Variants in CHST8 observed in about 807,000 individuals in gnomAD.
CHST8 encodes the protein carbohydrate sulfotransferase 8, also known as GALNAC-4-ST1.
A neutral mutation model predicts 15.0 loss-of-function variants in CHST8; 10 were observed. The observed-to-expected ratio is 0.67, with a 90% CI of 0.41 to 1.13. CHST8 has a LOEUF of 1.13. Ranked by LOEUF, CHST8 falls within the 50% of genes most tolerant of loss-of-function variation. The pLI, the probability that CHST8 is intolerant of heterozygous loss-of-function variation, is 0.00. For synonymous variants in CHST8, 259 were observed against 256.6 expected (o/e 1.01, Z -0.09); for missense variants, 634 against 608.2 (o/e 1.04, Z -0.45).
At chr19:33,767,265 C>A (rs1974869098) in intron 3 of CHST8, among the ~76,000 whole-genome samples, 1 of 152,230 alleles carries the variant, frequency 6.6e-6, no homozygotes, top group Non-Finnish European at 1.5e-5. Context: ...CAGTTACCAC[C>A]CTCCATGGCT....
chr19:33,635,629 A>G (rs146606117), intron 1 of CHST8, among the ~76,000 whole-genome samples: 76 of 152,138 alleles, frequency 5.0e-4, no homozygotes, highest in African/African-American at 1.8e-3. Flanking sequence ...ACAACACCTC[A>G]TGGACCACTC....
At chr19:33,690,117 ACT>A (rs984149177) in intron 3 of CHST8, among the ~76,000 whole-genome samples, 2 of 152,072 alleles carry the variant, frequency 1.3e-5, no homozygotes, top group African/African-American at 4.8e-5. Context: ...AGGCCTGGGA[ACT>A]CTCTGCTTTG....
chr19:33,629,007 C>T (rs1263614003), intron 1 of CHST8, among the ~76,000 whole-genome samples: 2 of 152,196 alleles, frequency 1.3e-5, no homozygotes, highest in East Asian at 1.9e-4. Flanking sequence ...TCTTCCACTG[C>T]CTTCCTCTCT....
rs537538600 is a variant in CHST8, at chr19:33,665,637, G to GAA, written c.-163-2118_-163-2117dup. On this transcript the variant is annotated intron_variant, in intron 1 of 4. Transcript: ENST00000650847. ...GGATTGTTTGAGTATCTTCAAAACTGAAAAAAAAAAAAAGCTTTTCTCAAG... is the reference window on the plus strand; with the variant it reads ...GGATTGTTTGAGTATCTTCAAAACTGAAAAAAAAAAAAAAAGCTTTTCTCAAG... Among the ~76,000 whole-genome samples, 8 of 141,688 alleles carry GAA rather than the reference G, an allele frequency of 5.6e-5. No individual in the cohort carries two copies. The East Asian group carries it at 1.0e-3, about 18-fold the overall frequency. The allele number at this position is 141,688 out of a possible 152,430, so 93.0% of individuals were successfully genotyped here.
rs969159944 is a variant in CHST8 at position 33,761,283 on chromosome 19, G to T, written c.131-10130G>T. Among the ~76,000 whole-genome samples the T allele has an allele frequency of 2.0e-5, 3 of 152,068 alleles. No homozygotes were observed. The East Asian group carries it at 5.8e-4, about 29-fold the overall frequency. On this transcript the variant is annotated intron_variant, in intron 3 of 4. Coordinates refer to ENST00000650847, the MANE Select transcript of CHST8 (RefSeq NM_001127895.2). ...TTTGGGAGGCTGATGCAGGAGGATC[G>T]CTTGAGGCCAGGAGTTGCTGGGCAG...
chr19:33,678,509 A>T (rs1007971735), intron 2 of CHST8, among the ~76,000 whole-genome samples: 24 of 152,192 alleles, frequency 1.6e-4, no homozygotes, highest in African/African-American at 5.8e-4. Context: ...TGGGAGGCCA[A>T]GGTAAGAGGA....
chr19:33,708,930 T>C (rs1205751940), intron 3 of CHST8, among the ~76,000 whole-genome samples: 1 of 152,222 alleles, frequency 6.6e-6, no homozygotes, highest in Non-Finnish European at 1.5e-5. Context: ...GCTTTCAGTA[T>C]ACAAGTCTTA....
At chr19:33,692,997 T>A (rs1434722312) in intron 3 of CHST8, among the ~76,000 whole-genome samples, 1 of 150,468 alleles carries the variant, frequency 6.6e-6, no homozygotes, top group Non-Finnish European at 1.5e-5. Context: ...CTATTTCTTT[T>A]TTCTTTCTTT....
At chr19:33,646,345 TC>T (rs1165752526) in intron 1 of CHST8, among the ~76,000 whole-genome samples, 1 of 152,124 alleles carries the variant, frequency 6.6e-6, no homozygotes, top group Non-Finnish European at 1.5e-5. Context: ...TATGACAGTT[TC>T]CGGGTGGGGG....
intron 3 of CHST8, among the ~76,000 whole-genome samples, chr19:33,758,233 G>C (rs925801217): frequency 6.6e-6 from 1 of 151,910 alleles, no homozygotes; most frequent in Non-Finnish European, 1.5e-5. Flanking sequence ...GTGTAGGGGT[G>C]GGGGTGGGCC....
chr19:33,757,533 A>G (rs1343170969), intron 3 of CHST8, among the ~76,000 whole-genome samples: 2 of 55,018 alleles, frequency 3.6e-5, no homozygotes, highest in Non-Finnish European at 7.4e-5. Flanking sequence ...AGAAAGAAAG[A>G]AAGAAAGAAA....
chr19:33,772,428 G>A lies in CHST8; in HGVS notation c.640G>A (p.Gly214Ser), dbSNP rs1363157571. 3 of 1,611,056 alleles carry A rather than the reference G, an allele frequency of 1.9e-6. No individual in the cohort carries two copies. The highest frequency in any genetic ancestry group is 2.5e-6 in the Non-Finnish European group (3 of 1,179,900). ...GAAGCGGGTGCTCATGGTGCTGGCC[G>A]GCCTGGCCTCGTCCACTGCCGACAT... is the stretch of plus-strand genomic sequence containing the variant. ...NWKRVLMVLA[G>S]LASSTADIQH... The change falls in exon 5 of 5, where the codon GGC (glycine) becomes AGC (serine). Residue 214 changes from glycine to serine, a missense_variant. Physicochemically the swap from Gly to Ser is moderately conservative, Grantham distance 56. Coordinates refer to ENST00000650847, the MANE Select transcript of CHST8 (RefSeq NM_001127895.2).
At chr19:33,759,112 A>G (rs2145374516) in intron 3 of CHST8, among the ~76,000 whole-genome samples, 1 of 152,058 alleles carries the variant, frequency 6.6e-6, no homozygotes, top group South Asian at 2.1e-4. Flanking sequence ...GGATCCCCCC[A>G]TGAGCCAAAC....
intron 1 of CHST8, among the ~76,000 whole-genome samples, chr19:33,649,522 A>C (rs1365687338): frequency 2.0e-5 from 3 of 152,204 alleles, no homozygotes; most frequent in Non-Finnish European, 4.4e-5. Context: ...GGGCTGGCCA[A>C]ATACGCATAT....
At chr19:33,722,550 G>A (rs1973819868) in intron 3 of CHST8, among the ~76,000 whole-genome samples, 2 of 152,162 alleles carry the variant, frequency 1.3e-5, no homozygotes, top group Admixed American at 1.3e-4. Context: ...GCATTCCTGT[G>A]GTCTTGTCAT....
intron 1 of CHST8, among the ~76,000 whole-genome samples, chr19:33,657,718 A>G (rs1378765206): frequency 6.6e-6 from 1 of 151,938 alleles, no homozygotes; most frequent in Admixed American, 6.6e-5. Flanking sequence ...ACAGGCACAC[A>G]CCACCATACT....
chr19:33,719,362 G>A (rs1973735047), intron 3 of CHST8, among the ~76,000 whole-genome samples: 1 of 152,160 alleles, frequency 6.6e-6, no homozygotes, highest in African/African-American at 2.4e-5. Flanking sequence ...AGGTCTCTCT[G>A]TCCTTGCTGG....
chr19:33,763,819 T>A (rs1974781439), intron 3 of CHST8, among the ~76,000 whole-genome samples: 1 of 152,200 alleles, frequency 6.6e-6, no homozygotes, highest in Non-Finnish European at 1.5e-5. Flanking sequence ...GGACAATGTG[T>A]CCCTCAGCCC....
chr19:33,695,821 C>CTTTCTTTCTTTCTTTCTTTTT (rs57718433), intron 3 of CHST8, among the ~76,000 whole-genome samples: 34 of 76,234 alleles, frequency 4.5e-4, no homozygotes, highest in Non-Finnish European at 6.0e-4. Flanking sequence ...TTCTTTCTTT[C>CTTTCTTTCTTTCTTTCTTTTT]TTTTTTTTTT....
Sources: allele counts gnomAD v4.1 joint callset (sites outside exome capture counted in the v4.1 genomes callset), GRCh38; gene constraint gnomAD v4.1.1; transcripts MANE v1.5; gene names NCBI Gene and HGNC (gene_info 2026-07-23, HGNC 2026-07-21).